Variants in ZNF431 observed in about 807,000 individuals in gnomAD.
The protein encoded by ZNF431 is zinc finger protein 431.
A neutral mutation model predicts 57.0 loss-of-function variants in ZNF431; 34 were observed. That is an observed-to-expected ratio of 0.60 (90% CI 0.45 to 0.79). The LOEUF is 0.79. ZNF431 is among the 30% of genes least tolerant of loss of function. The pLI, the probability that ZNF431 is intolerant of heterozygous loss-of-function variation, is 0.00. For synonymous variants in ZNF431, 207 were observed against 220.3 expected, an observed-to-expected ratio of 0.94 and a Z score of 0.54; for missense variants, 607 against 667.1, an observed-to-expected ratio of 0.91 and a Z score of 0.99.
At chr19:21,142,929 G>A (rs1237469118) in intron 1 of ZNF431, among the ~76,000 whole-genome samples, 2 of 152,068 alleles carry the variant, frequency 1.3e-5, no homozygotes, top group Admixed American at 1.3e-4. Context: ...AGGGACTAAA[G>A]ACACCTCCGT....
intron 2 of ZNF431, among the ~76,000 whole-genome samples, chr19:21,157,645 C>T (rs541074044): frequency 8.5e-5 from 13 of 152,116 alleles, no homozygotes; most frequent in Non-Finnish European, 1.5e-4. Flanking sequence ...TATTCTCCTG[C>T]CTCAGCCTCC....
At chr19:21,142,249 G>A in intron 1 of ZNF431, 63 bp downstream of exon 1, 3 of 1,610,348 alleles carry the variant, frequency 1.9e-6, no homozygotes, top group Non-Finnish European at 1.7e-6. Context: ...GGTGGGAAGT[G>A]GCTGTGGCGG....
At chr19:21,172,757 C>T (rs191108031) in intron 4 of ZNF431, among the ~76,000 whole-genome samples, 11 of 152,206 alleles carry the variant, frequency 7.2e-5, no homozygotes, top group South Asian at 2.1e-4. Flanking sequence ...ATAATTGTGC[C>T]GCTGCACTTT....
chr19:21,191,847 T>C lies in ZNF431; in HGVS notation c.*7813T>C, dbSNP rs1278352861. Reference sequence around the variant, plus strand: ...TTGATTGCTTTGGCTATTCAGGGTCTTTTGTGATACCATATGAATTTTAGA... The same window carrying C: ...TTGATTGCTTTGGCTATTCAGGGTCCTTTGTGATACCATATGAATTTTAGA... On this transcript the variant is annotated 3_prime_UTR_variant, in exon 5 of 5. Coordinates refer to ENST00000311048, the MANE Select transcript of ZNF431 (RefSeq NM_133473.4). 6.6e-6 allele frequency: 1 copy of C among 152,250 alleles called. No homozygotes were observed. Among genetic ancestry groups the C allele is most frequent in the East Asian group, 1.9e-4 (1 of 5,200 alleles). 9.4% of individuals were successfully genotyped at this position (152,250 alleles called of 1,614,324 possible). A position where few individuals can be genotyped will look rare whatever the true frequency, so the allele number is the denominator to read the frequency against.
chr19:21,171,055 A>T (rs1970873247), intron 4 of ZNF431, among the ~76,000 whole-genome samples: 1 of 152,248 alleles, frequency 6.6e-6, no homozygotes, highest in Non-Finnish European at 1.5e-5. Context: ...AAATTTAGCA[A>T]TGTAATGCTA....
intron 2 of ZNF431, among the ~76,000 whole-genome samples, chr19:21,147,950 A>G (rs902568631): frequency 1.3e-5 from 2 of 151,968 alleles, no homozygotes; most frequent in Non-Finnish European, 1.5e-5. Context: ...TTACTATTTT[A>G]TATTTGTGTA....
At chr19:21,143,096 C>T (rs1969985102) in intron 1 of ZNF431, among the ~76,000 whole-genome samples, 1 of 152,176 alleles carries the variant, frequency 6.6e-6, no homozygotes. Context: ...ATTTCCAGTT[C>T]CTTCTGGTGT....
At chr19:21,168,394 A>C (rs1970785407) in intron 4 of ZNF431, among the ~76,000 whole-genome samples, 1 of 151,528 alleles carries the variant, frequency 6.6e-6, no homozygotes, top group Non-Finnish European at 1.5e-5. Context: ...TTGAGACAGA[A>C]TCTCACTCTG....
chr19:21,183,807 C>T lies in ZNF431; in HGVS notation c.1504C>T (p.His502Tyr). The T allele has an allele frequency of 6.2e-7, 1 of 1,613,966 alleles. No homozygotes were observed. The highest frequency in any genetic ancestry group is 8.5e-7 in the Non-Finnish European group (1 of 1,179,928). Residue 502 changes from histidine to tyrosine, a missense_variant, in exon 5 of 5, where the codon CAT becomes TAT. His to Tyr is a moderately conservative substitution (Grantham distance 83). Coordinates refer to ENST00000311048, the MANE Select transcript of ZNF431 (RefSeq NM_133473.4). ...TAACCGATCCTCAAATCTTACTAAA[C>T]ATAAGATAATTCATACAGGAGAGAA... ...AFNRSSNLTK[H>Y]KIIHTGEKSY... is the part of the protein sequence containing the mutation.
intron 2 of ZNF431, among the ~76,000 whole-genome samples, chr19:21,156,743 C>T (rs979200131): frequency 2.7e-5 from 4 of 150,828 alleles, no homozygotes; most frequent in South Asian, 4.2e-4. Context: ...GTTTATGTAC[C>T]GTACTTTGTT....
In ZNF431 at chr19:21,143,440, T is replaced by C. The variant is rs1969996271; in HGVS notation, c.4-111T>C. 3.5e-6 allele frequency: 3 copies of C among 845,924 alleles called. No homozygotes were observed. The South Asian group carries it at 4.4e-5, about 12-fold the overall frequency. The allele number at this position is 845,924 out of a possible 1,614,324, so 52.4% of individuals were successfully genotyped here. On this transcript the variant is annotated intron_variant, in intron 1 of 4. Transcript: ENST00000311048. ...GTGTCCTCAGCCACCTTTTAGTTTT[T>C]TTCTGGTCGTGGGTTTCAGTGCTGT...
chr19:21,171,255 G>A (rs765065967), intron 4 of ZNF431, among the ~76,000 whole-genome samples: 21 of 152,032 alleles, frequency 1.4e-4, no homozygotes, highest in South Asian at 4.2e-4. Flanking sequence ...CAAAATACCT[G>A]CCTTCCCTGA....
At chr19:21,155,975 C>T (rs1970405055) in intron 2 of ZNF431, among the ~76,000 whole-genome samples, 1 of 152,148 alleles carries the variant, frequency 6.6e-6, no homozygotes, top group Non-Finnish European at 1.5e-5. Context: ...AGGAAAGGAG[C>T]TCTGATGACA....
chr19:21,157,459 G>T (rs1009481343), intron 2 of ZNF431, among the ~76,000 whole-genome samples: 1 of 152,072 alleles, frequency 6.6e-6, no homozygotes, highest in African/African-American at 2.4e-5. Context: ...GTGATTAGTG[G>T]TGAGCATTTG....
rs1022658492 is a variant in ZNF431 at position 21,195,336 on chromosome 19, T to C, written c.*11302T>C. ...TTCTCTCTGTGAGTTTTGAATTGGC[T>C]GATGTAACCAAAATGCCAGCTCTTG... is the stretch of plus-strand genomic sequence containing the variant. On this transcript the variant is annotated 3_prime_UTR_variant, in exon 5 of 5. Transcript: ENST00000311048. 6.6e-6 allele frequency: 1 copy of C among 152,252 alleles called. No homozygotes were observed. Among genetic ancestry groups the C allele is most frequent in the Non-Finnish European group, 1.5e-5 (1 of 68,052 alleles). The allele number at this position is 152,252 out of a possible 1,614,324, so 9.4% of individuals were successfully genotyped here. A position where few individuals can be genotyped will look rare whatever the true frequency, so the allele number is the denominator to read the frequency against.
chr19:21,183,786 C>T lies in ZNF431; in HGVS notation c.1483C>T (p.Arg495Ter), dbSNP rs1243449722. The T allele has an allele frequency of 2.5e-6, 4 of 1,613,744 alleles. No homozygotes were observed. The highest frequency in any genetic ancestry group is 1.7e-5 in the Admixed American group (1 of 59,988). Residue 495 changes from arginine to a stop codon, truncating the protein, a stop_gained, in exon 5 of 5, where the codon CGA (arginine) becomes TGA (stop). Coordinates refer to ENST00000311048, the MANE Select transcript of ZNF431 (RefSeq NM_133473.4). LOFTEE classifies it high-confidence loss of function. ...TGAAGAATGTGGCAAAGCTTTTAAC[C>T]GATCCTCAAATCTTACTAAACATAA... The part of the protein sequence containing the change: ...KCEECGKAFN[R>*]SSNLTKHKII...
rs1599623260 is a variant in ZNF431, at chr19:21,184,028, C to G, written c.1725C>G (p.Ser575Arg). ...TACAAATGTCAAGAATGTGGGAAAGCCTTTAAGCAGTCCTCAACTCTTACT... is the reference window on the plus strand; with the variant it reads ...TACAAATGTCAAGAATGTGGGAAAGGCTTTAAGCAGTCCTCAACTCTTACT... ...ETLQMSRMWESL is the reference protein window; with the variant it reads ...ETLQMSRMWERL Residue 575 changes from serine to arginine, a missense_variant, in exon 5 of 5, where the codon AGC becomes AGG. By Grantham distance (110) the Ser-to-Arg change is moderately radical. Transcript: ENST00000311048. 1 of 1,561,714 alleles carries G rather than the reference C, an allele frequency of 6.4e-7. No individual in the cohort carries two copies.
intron 2 of ZNF431, among the ~76,000 whole-genome samples, 176 bp from the exon 3 acceptor site, chr19:21,166,159 A>G (rs1970714196): frequency 6.7e-6 from 1 of 148,536 alleles, no homozygotes; most frequent in Non-Finnish European, 1.5e-5. Flanking sequence ...CTGCCCTCAG[A>G]GTAGGAGAAT....
rs750357567 is a variant in ZNF431 at position 21,142,170 on chromosome 19, C to T, written c.-14C>T. The T allele has an allele frequency of 9.3e-6, 15 of 1,612,836 alleles. No individual in the cohort carries two copies. Among genetic ancestry groups the T allele is most frequent in the Admixed American group, 1.7e-5 (1 of 59,994 alleles). On this transcript the variant is annotated 5_prime_UTR_variant, in exon 1 of 5. Coordinates refer to ENST00000311048, the MANE Select transcript of ZNF431 (RefSeq NM_133473.4). Reference sequence around the variant, plus strand: ...CCCACAGCTAAGACACCGGGACCCCCTGAAAGCCTAGAAATGGTGAGAGTG... The same window carrying T: ...CCCACAGCTAAGACACCGGGACCCCTTGAAAGCCTAGAAATGGTGAGAGTG...
Sources: allele counts gnomAD v4.1 joint callset (sites outside exome capture counted in the v4.1 genomes callset), GRCh38; gene constraint gnomAD v4.1.1; transcripts MANE v1.5; gene names NCBI Gene and HGNC (gene_info 2026-07-23, HGNC 2026-07-21).